The following KSR1 variants were observed in gnomAD, a reference collection of about 807,000 sequenced individuals.
KSR1 encodes kinase suppressor of ras.
In KSR1, 35 loss-of-function variants were observed where a neutral mutation model predicts 92.9. That is an observed-to-expected ratio of 0.38 (90% CI 0.29 to 0.50). KSR1 has a LOEUF of 0.50. Among genes scored for constraint, KSR1 ranks in the 20% least tolerant of loss-of-function variants. The probability of loss-of-function intolerance (pLI) is 0.94; values close to 1 mark genes in which losing one functional copy is unlikely to be tolerated. For synonymous variants in KSR1, 467 were observed against 472.6 expected (o/e 0.99, Z 0.15); for missense variants, 972 against 1,158.5 (o/e 0.84, Z 2.34).
chr17:27,526,094 T>TTCTCTCTCTCTC (rs59170484), intron 1 of KSR1, among the ~76,000 whole-genome samples: 15 of 118,476 alleles, frequency 1.3e-4, no homozygotes, highest in African/African-American at 1.8e-4. Context: ...CTTTCTTTCT[T>TTCTCTCTCTCTC]TCTCTCTCTC....
At chr17:27,554,315 G>A (rs1779308796) in intron 2 of KSR1, among the ~76,000 whole-genome samples, 1 of 152,190 alleles carries the variant, frequency 6.6e-6, no homozygotes, top group South Asian at 2.1e-4. Flanking sequence ...GCATACGTGG[G>A]TTGTCATCTA....
chr17:27,550,513 C>T, intron 1 of KSR1, 55 bp from the exon 2 acceptor site: 1 of 756,684 alleles, frequency 1.3e-6, no homozygotes, highest in South Asian at 1.3e-5. Context: ...CTTGGGCCTG[C>T]CATATGGTTG....
intron 1 of KSR1, among the ~76,000 whole-genome samples, chr17:27,479,951 G>A (rs2068463534): frequency 6.6e-6 from 1 of 152,210 alleles, no homozygotes; most frequent in Non-Finnish European, 1.5e-5. Context: ...GTAGGTGTCT[G>A]CCTGTGTGTG....
intron 1 of KSR1, among the ~76,000 whole-genome samples, chr17:27,536,428 A>G (rs1355361927): frequency 6.6e-6 from 1 of 152,138 alleles, no homozygotes; most frequent in Non-Finnish European, 1.5e-5. Context: ...ACTGCCACTA[A>G]CTAAATTACC....
intron 1 of KSR1, among the ~76,000 whole-genome samples, chr17:27,464,164 C>T (rs1331192800): frequency 6.6e-6 from 1 of 152,160 alleles, no homozygotes; most frequent in Non-Finnish European, 1.5e-5. Flanking sequence ...CAAGGGGTTT[C>T]CTGCAGGAAG....
chr17:27,563,303 G>A (rs1371169679), intron 2 of KSR1, among the ~76,000 whole-genome samples: 3 of 151,376 alleles, frequency 2.0e-5, no homozygotes. Context: ...TTTTTTTGCT[G>A]CCCAGGCTGG....
chr17:27,520,050 C>T (rs2069958870), intron 1 of KSR1, among the ~76,000 whole-genome samples: 1 of 152,216 alleles, frequency 6.6e-6, no homozygotes, highest in African/African-American at 2.4e-5. Context: ...AAACCTGTAG[C>T]TGATGTCAGG....
At chr17:27,505,961 G>T (rs2069364211) in intron 1 of KSR1, among the ~76,000 whole-genome samples, 1 of 152,184 alleles carries the variant, frequency 6.6e-6, no homozygotes, top group African/African-American at 2.4e-5. Context: ...GTGCATAGTT[G>T]ATGTTCTTGG....
chr17:27,581,556 C>CT, intron 3 of KSR1, among the ~76,000 whole-genome samples: 1 of 152,192 alleles, frequency 6.6e-6, no homozygotes, highest in African/African-American at 2.4e-5. Flanking sequence ...CCATAGCTGG[C>CT]TCATGTGGAG....
Position 27,583,992 on chromosome 17 carries a change from G to A in KSR1, c.980+887G>A, listed in dbSNP as rs912421408. 7.1e-6 allele frequency: 7 copies of A among 983,842 alleles called. No individual in the cohort carries two copies. The African/African-American group carries it at 1.0e-4, about 15-fold the overall frequency. The allele number at this position is 983,842 out of a possible 1,614,324, so 60.9% of individuals were successfully genotyped here. A position where few individuals can be genotyped will look rare whatever the true frequency, so the allele number is the denominator to read the frequency against. ...TAATTAAACCCCATTTGTTTGACTT[G>A]TTCATATTATTTCGTTGTATAGTTT... On this transcript the variant is annotated intron_variant, in intron 4 of 20. Transcript: ENST00000644974.
At chr17:27,596,177 A>ATG (rs2073339589) in intron 9 of KSR1, among the ~76,000 whole-genome samples, 1 of 152,224 alleles carries the variant, frequency 6.6e-6, no homozygotes, top group Non-Finnish European at 1.5e-5. Context: ...TTAAAACCAA[A>ATG]AAGTTACTAA....
rs2074320017 is a variant in KSR1, at chr17:27,625,401, A to C, written c.*2009A>C. On this transcript the variant is annotated 3_prime_UTR_variant, in exon 21 of 21. Coordinates refer to ENST00000644974, the MANE Select transcript of KSR1 (RefSeq NM_001394583.1). Reference sequence around the variant, plus strand: ...AAAGAAGCGCTCATTGAGCAACTACAGTGCACTTGGTCTTCTGCAAGTGCT... The same window carrying C: ...AAAGAAGCGCTCATTGAGCAACTACCGTGCACTTGGTCTTCTGCAAGTGCT... The C allele has an allele frequency of 6.6e-6, 1 of 152,290 alleles. No individual in the cohort carries two copies. Among genetic ancestry groups the C allele is most frequent in the Non-Finnish European group, 1.5e-5 (1 of 68,062 alleles). 9.4% of individuals were successfully genotyped at this position (152,290 alleles called of 1,614,324 possible). A position where few individuals can be genotyped will look rare whatever the true frequency, so the allele number is the denominator to read the frequency against.
intron 1 of KSR1, among the ~76,000 whole-genome samples, chr17:27,514,567 G>A (rs2069719222): frequency 6.6e-6 from 1 of 152,004 alleles, no homozygotes; most frequent in Non-Finnish European, 1.5e-5. Flanking sequence ...AGCTGAGGCA[G>A]GAGAATCCCT....
At position 27,588,543 on chromosome 17, in the gene KSR1, C is replaced by T. The variant is rs1217708991; in HGVS notation, c.1046+8C>T. On this transcript the variant is annotated splice_region_variant and intron_variant, in intron 6 of 20. Transcript: ENST00000644974. ...GCTGTCGGTGACGCACAGGTAGGCA[C>T]AGCGGGCCTGGAGGGGGAGCAGGGC... The T allele has an allele frequency of 8.2e-6, 13 of 1,588,450 alleles. No individual in the cohort carries two copies. The highest frequency in any genetic ancestry group is 1.1e-5 in the Non-Finnish European group (13 of 1,167,688).
intron 1 of KSR1, among the ~76,000 whole-genome samples, chr17:27,476,419 G>A (rs551692200): frequency 6.6e-6 from 1 of 152,310 alleles, no homozygotes; most frequent in South Asian, 2.1e-4. Context: ...CCTGAGTCTT[G>A]GCTGCTGGGA....
intron 1 of KSR1, among the ~76,000 whole-genome samples, chr17:27,537,630 C>T (rs1195431339): frequency 2.0e-5 from 3 of 152,106 alleles, no homozygotes; most frequent in Non-Finnish European, 4.4e-5. Context: ...GCGGAGGTTG[C>T]AATGAGCCGA....
At position 27,605,698 on chromosome 17, in the gene KSR1, G is replaced by A. The variant is rs1159539024; in HGVS notation, c.1879G>A (p.Asp627Asn). ...RLLEMDGHNQ[D>N]HLKLFKKEVM... ...GCTGGAGATGGACGGCCACAACCAG[G>A]ACCACCTGAAGCTCTTCAAGAAAGA... Residue 627 changes from aspartate to asparagine, a missense_variant, in exon 14 of 21, where the codon GAC (aspartate) becomes AAC (asparagine). Physicochemically the swap from Asp to Asn is conservative, Grantham distance 23. Coordinates refer to ENST00000644974, the MANE Select transcript of KSR1 (RefSeq NM_001394583.1). The A allele has an allele frequency of 1.9e-6, 3 of 1,612,954 alleles. No homozygotes were observed. Among genetic ancestry groups the A allele is most frequent in the Non-Finnish European group, 2.5e-6 (3 of 1,179,870 alleles).
At chr17:27,602,079 A>T (rs1435909206) in intron 11 of KSR1, 1 of 665,866 alleles carries the variant, frequency 1.5e-6, no homozygotes, top group Non-Finnish European at 2.7e-6. Flanking sequence ...ACTGAAGGTG[A>T]TGAGCATAAT....
chr17:27,610,061 C>T lies in KSR1; in HGVS notation c.2226-6C>T. On this transcript the variant is annotated splice_region_variant and splice_polypyrimidine_tract_variant and intron_variant, in intron 16 of 20. Coordinates refer to ENST00000644974, the MANE Select transcript of KSR1 (RefSeq NM_001394583.1). ...TGTGTCCTTGTCCCGGCTTCCTGGT[C>T]TCCAGGCGTGAGAACCAGCTAAAGC... 1 of 1,613,820 alleles carries T rather than the reference C, an allele frequency of 6.2e-7. No individual in the cohort carries two copies. Among genetic ancestry groups the T allele is most frequent in the Non-Finnish European group, 8.5e-7 (1 of 1,179,768 alleles).
Sources: gnomAD v4.1 joint callset for allele counts (sites outside exome capture counted in the v4.1 genomes callset) on GRCh38, gnomAD v4.1.1 for gene constraint, MANE v1.5 for transcripts, NCBI Gene and HGNC (gene_info 2026-07-23, HGNC 2026-07-21) for gene names.